The following CLASP2 variants were observed in gnomAD, a reference collection of about 807,000 sequenced individuals.
CLASP2 encodes the protein CLIP-associating protein 2.
In CLASP2, 47 loss-of-function variants were observed where a neutral mutation model predicts 194.4. That is an observed-to-expected ratio of 0.24 (90% CI 0.19 to 0.31). The LOEUF (loss-of-function observed/expected upper bound fraction) is 0.31, where lower values mean the gene tolerates loss of function less well. Ranked by LOEUF, CLASP2 falls within the 10% of genes least tolerant of loss-of-function variation. The pLI is 1.00. For missense variants in CLASP2, 1,445 were observed against 1,823.6 expected (o/e 0.79, Z 3.78); for synonymous variants, 619 against 633.5 (o/e 0.98, Z 0.34).
chr3:33,713,752 C>T (rs534622346), intron 1 of CLASP2, among the ~76,000 whole-genome samples: 40 of 152,090 alleles, frequency 2.6e-4, no homozygotes, highest in East Asian at 1.5e-3. Context: ...GGCCCAATCA[C>T]GGCTCACTGC....
At chr3:33,529,189 T>G (rs914108312) in intron 34 of CLASP2, among the ~76,000 whole-genome samples, 2 of 152,102 alleles carry the variant, frequency 1.3e-5, no homozygotes, top group African/African-American at 2.4e-5. Context: ...CAAACAAATG[T>G]TAAAACATCC....
intron 32 of CLASP2, among the ~76,000 whole-genome samples, chr3:33,542,738 T>C (rs1274006868): frequency 6.6e-6 from 1 of 151,778 alleles, no homozygotes. Flanking sequence ...ATATGTTTTG[T>C]TTGCAAGCTT....
intron 32 of CLASP2, 47 bp downstream of exon 32, chr3:33,543,386 G>A (rs752414764): frequency 4.0e-6 from 5 of 1,260,032 alleles, no homozygotes. Context: ...AAGAAAGAAT[G>A]GGAATTTACA....
At chr3:33,550,392 CAAAAAAAAAAAAA>C (rs555351261) in intron 30 of CLASP2, among the ~76,000 whole-genome samples, 3 of 51,664 alleles carry the variant, frequency 5.8e-5, no homozygotes, top group Non-Finnish European at 1.1e-4. Context: ...GAGACTGCCT[CAAAAAAAAAAAAA>C]AAAAAAAAAA....
In CLASP2 at chr3:33,674,259, C is replaced by T. The variant is rs1575489767; in HGVS notation, c.644+10100G>A. On this transcript the variant is annotated intron_variant, in intron 6 of 38. Coordinates refer to ENST00000682230, the MANE Select transcript of CLASP2 (RefSeq NM_001365631.1). Reference sequence around the variant, plus strand: ...ACAAACTATCTCTCAGACCACAGTGCAATCAAACTAGAACTCAGCATTAAG... The same window carrying T: ...ACAAACTATCTCTCAGACCACAGTGTAATCAAACTAGAACTCAGCATTAAG... Among the ~76,000 whole-genome samples, 3 of 152,206 alleles carry T rather than the reference C, an allele frequency of 2.0e-5. No individual in the cohort carries two copies. The East Asian group carries it at 5.8e-4, about 29-fold the overall frequency.
chr3:33,634,432 C>T (rs1190813484), intron 8 of CLASP2, among the ~76,000 whole-genome samples: 1 of 152,188 alleles, frequency 6.6e-6, no homozygotes, highest in Non-Finnish European at 1.5e-5. Context: ...CTCAACTCTG[C>T]AAATGAATGG....
In CLASP2 at chr3:33,606,739, T is replaced by C. The variant is rs1217868995; in HGVS notation, c.1546A>G (p.Asn516Asp). Residue 516 changes from asparagine to aspartate, a missense_variant, in exon 16 of 39, where the codon AAC (asparagine) becomes GAC (aspartate). Coordinates refer to ENST00000682230, the MANE Select transcript of CLASP2 (RefSeq NM_001365631.1). ...GTTTCAGCTTCACCAGGAAAGTGGTTTCTAAGACCCATGTATGTCCTGTTA... is the reference window on the plus strand; with the variant it reads ...GTTTCAGCTTCACCAGGAAAGTGGTCTCTAAGACCCATGTATGTCCTGTTA... ...EARKTYMGLR[N>D]HFPGEAETLY... 6.2e-7 allele frequency: 1 copy of C among 1,611,858 alleles called. No homozygotes were observed. Among genetic ancestry groups the C allele is most frequent in the East Asian group, 2.2e-5 (1 of 44,862 alleles).
chr3:33,496,332 T>A lies in CLASP2; in HGVS notation c.*2299A>T, dbSNP rs966030319. The A allele has an allele frequency of 2.6e-5, 4 of 152,198 alleles. No homozygotes were observed. Among genetic ancestry groups the A allele is most frequent in the African/African-American group, 9.6e-5 (4 of 41,458 alleles). 9.4% of individuals were successfully genotyped at this position (152,198 alleles called of 1,614,324 possible). ...TATTAATAATTAATTTGGGAGAGAA[T>A]AGCAGGAGGAAAAATATAAACAGTA... is the stretch of plus-strand genomic sequence containing the variant. On this transcript the variant is annotated 3_prime_UTR_variant, in exon 39 of 39. Transcript: ENST00000682230.
intron 29 of CLASP2, among the ~76,000 whole-genome samples, chr3:33,553,775 T>C (rs921588096): frequency 6.6e-6 from 1 of 152,174 alleles, no homozygotes; most frequent in African/African-American, 2.4e-5. Context: ...AGTACTGCCA[T>C]TATGAAAAAT....
At chr3:33,531,746 G>C (rs2056356600) in intron 34 of CLASP2, among the ~76,000 whole-genome samples, 1 of 152,180 alleles carries the variant, frequency 6.6e-6, no homozygotes, top group Non-Finnish European at 1.5e-5. Context: ...TTGCACTCCA[G>C]CCTAGACGAC....
intron 29 of CLASP2, among the ~76,000 whole-genome samples, chr3:33,557,648 A>T (rs2061193735): frequency 6.6e-6 from 1 of 152,200 alleles, no homozygotes; most frequent in Non-Finnish European, 1.5e-5. Flanking sequence ...ATAAAATTAC[A>T]AGCTTTATAT....
Position 33,497,950 on chromosome 3 carries a change from C to T in CLASP2, c.*681G>A, listed in dbSNP as rs901470421. 4 of 152,568 alleles carry T rather than the reference C, an allele frequency of 2.6e-5. No individual in the cohort carries two copies. Among genetic ancestry groups the T allele is most frequent in the African/African-American group, 9.7e-5 (4 of 41,432 alleles). 9.5% of individuals were successfully genotyped at this position (152,568 alleles called of 1,614,324 possible). On this transcript the variant is annotated 3_prime_UTR_variant, in exon 39 of 39. Coordinates refer to ENST00000682230, the MANE Select transcript of CLASP2 (RefSeq NM_001365631.1). The stretch of plus-strand genomic sequence containing the variant: ...CTTTCTTAAGGGATCATAGAAGGGA[C>T]ATGGTTTTAAATAAAGATGGCAAGA...
chr3:33,607,657 T>C (rs2074188897), intron 14 of CLASP2, among the ~76,000 whole-genome samples, 196 bp from the exon 15 acceptor site: 1 of 152,198 alleles, frequency 6.6e-6, no homozygotes, highest in Non-Finnish European at 1.5e-5. Context: ...CATGTATGGT[T>C]TCCTTCTGAC....
At chr3:33,577,646 A>G (rs906137005) in intron 23 of CLASP2, among the ~76,000 whole-genome samples, 13 of 152,158 alleles carry the variant, frequency 8.5e-5, no homozygotes, top group Admixed American at 8.5e-4. Context: ...TTACTATTCA[A>G]TTTTACAGAT....
chr3:33,716,168 T>C (rs1251849416), intron 1 of CLASP2, among the ~76,000 whole-genome samples: 1 of 152,146 alleles, frequency 6.6e-6, no homozygotes, highest in Non-Finnish European at 1.5e-5. Flanking sequence ...AGGAAGTGTA[T>C]AGACAGGTGG....
At position 33,612,036 on chromosome 3, in the gene CLASP2, T is replaced by A; in HGVS notation, c.1353A>T (p.Thr451=). 1.2e-6 allele frequency: 2 copies of A among 1,610,966 alleles called. No homozygotes were observed. Among genetic ancestry groups the A allele is most frequent in the Non-Finnish European group, 1.7e-6 (2 of 1,178,212 alleles). ...GAACTGATTTTGATGTGCAATTGCTTGTTATTAAAGGTATAAGTCTGGGTA... is the reference window on the plus strand; with the variant it reads ...GAACTGATTTTGATGTGCAATTGCTAGTTATTAAAGGTATAAGTCTGGGTA... ...THVPRLIPLI[T]SNCTSKSVPV... is the part of the protein sequence containing the mutation. The change falls in exon 13 of 39, where the codon ACA becomes ACT. Residue 451 remains threonine, a synonymous_variant. Transcript: ENST00000682230.
chr3:33,581,996 T>A (rs1333708854), intron 22 of CLASP2, 68 bp from the exon 23 acceptor site: 3 of 1,168,290 alleles, frequency 2.6e-6, no homozygotes, highest in Non-Finnish European at 3.7e-6. Flanking sequence ...TTTTAAAAAA[T>A]TTTGTTTTTT....
At chr3:33,670,151 CAGAA>C (rs2086895056) in intron 6 of CLASP2, among the ~76,000 whole-genome samples, 1 of 151,864 alleles carries the variant, frequency 6.6e-6, no homozygotes. Flanking sequence ...ATAATTTTAA[CAGAA>C]AGAAGTCAAA....
At chr3:33,574,060 T>C (rs2064310552) in intron 24 of CLASP2, among the ~76,000 whole-genome samples, 1 of 152,174 alleles carries the variant, frequency 6.6e-6, no homozygotes, top group African/African-American at 2.4e-5. Context: ...TAAATCTTAT[T>C]TGTTTAATAT....
Sources: allele counts gnomAD v4.1 joint callset (sites outside exome capture counted in the v4.1 genomes callset), GRCh38; gene constraint gnomAD v4.1.1; transcripts MANE v1.5; gene names NCBI Gene and HGNC (gene_info 2026-07-23, HGNC 2026-07-21).